Variants in UNC5C observed in about 807,000 individuals in gnomAD.
UNC5C encodes unc-5 netrin receptor C, also known as netrin receptor UNC5C.
Under a neutral mutation model 99.8 loss-of-function variants are expected in UNC5C, and 47 were observed. The ratio of observed to expected loss-of-function variants is 0.47; its 90% CI spans 0.37 to 0.60. UNC5C has a LOEUF of 0.60. Ranked by LOEUF, UNC5C falls within the 20% of genes least tolerant of loss-of-function variation. UNC5C has a pLI of 0.00. For synonymous variants in UNC5C, 487 were observed against 452.2 expected, an observed-to-expected ratio of 1.08 and a Z score of -0.98; for missense variants, 1,062 against 1,165.9, an observed-to-expected ratio of 0.91 and a Z score of 1.30.
At chr4:95,273,972 C>A (rs1179396707) in intron 4 of UNC5C, among the ~76,000 whole-genome samples, 10 of 152,186 alleles carry the variant, frequency 6.6e-5, no homozygotes. Context: ...CTCCATGTCA[C>A]ATCCAGCAGG....
chr4:95,485,926 TAAG>T (rs1237832468), intron 1 of UNC5C, among the ~76,000 whole-genome samples: 3 of 151,642 alleles, frequency 2.0e-5, no homozygotes, highest in African/African-American at 7.3e-5. Context: ...TCTTTTCCAT[TAAG>T]AATTAAGAAC....
At chr4:95,223,472 C>T (rs980128109) in intron 7 of UNC5C, among the ~76,000 whole-genome samples, 2 of 152,130 alleles carry the variant, frequency 1.3e-5, no homozygotes, top group African/African-American at 2.4e-5. Context: ...CGTAGTTTGC[C>T]GAACACTCAG....
intron 1 of UNC5C, among the ~76,000 whole-genome samples, chr4:95,454,720 C>G (rs1341270343): frequency 6.6e-6 from 1 of 152,034 alleles, no homozygotes; most frequent in Non-Finnish European, 1.5e-5. Flanking sequence ...ACTCTTTAAC[C>G]TACCAGGTTC....
At chr4:95,358,330 G>A (rs536957819) in intron 1 of UNC5C, among the ~76,000 whole-genome samples, 1 of 152,148 alleles carries the variant, frequency 6.6e-6, no homozygotes, top group Admixed American at 6.6e-5. Context: ...TGCAAGAAGA[G>A]TGTTAACTCT....
chr4:95,275,245 T>G (rs1348803588), intron 4 of UNC5C, among the ~76,000 whole-genome samples: 2 of 152,130 alleles, frequency 1.3e-5, no homozygotes, highest in African/African-American at 4.8e-5. Context: ...AAGCTTCCCC[T>G]CTGCATACCC....
intron 1 of UNC5C, among the ~76,000 whole-genome samples, chr4:95,481,686 G>A (rs1017926646): frequency 6.6e-6 from 1 of 152,048 alleles, no homozygotes; most frequent in African/African-American, 2.4e-5. Flanking sequence ...ACAGAACAGA[G>A]CCCTCAGAAA....
chr4:95,375,408 A>C (rs1366500704), intron 1 of UNC5C, among the ~76,000 whole-genome samples: 1 of 152,208 alleles, frequency 6.6e-6, no homozygotes, highest in Non-Finnish European at 1.5e-5. Flanking sequence ...GATTATTTTA[A>C]AGGAGACCAT....
chr4:95,290,473 G>A (rs28519988), intron 3 of UNC5C, among the ~76,000 whole-genome samples: 40 of 152,198 alleles, frequency 2.6e-4, no homozygotes, highest in African/African-American at 9.6e-4. Flanking sequence ...GCAACTGTGT[G>A]CAATGAACTG....
chr4:95,507,896 C>T (rs1721968417), intron 1 of UNC5C, among the ~76,000 whole-genome samples: 1 of 152,036 alleles, frequency 6.6e-6, no homozygotes, highest in Non-Finnish European at 1.5e-5. Flanking sequence ...AACTCCACTT[C>T]CCTGGATCAA....
intron 1 of UNC5C, among the ~76,000 whole-genome samples, chr4:95,402,592 AG>A (rs1459626007): frequency 6.6e-6 from 1 of 152,226 alleles, no homozygotes; most frequent in Non-Finnish European, 1.5e-5. Flanking sequence ...TTAGTGTTAC[AG>A]GGTAGTATTT....
chr4:95,178,648 T>C (rs1052940798), intron 14 of UNC5C, among the ~76,000 whole-genome samples: 6 of 152,232 alleles, frequency 3.9e-5, no homozygotes, highest in Non-Finnish European at 8.8e-5. Context: ...ACTAGGGTGT[T>C]GAGCTGCCTT....
intron 1 of UNC5C, among the ~76,000 whole-genome samples, chr4:95,417,349 C>A: frequency 6.6e-6 from 1 of 152,168 alleles, no homozygotes; most frequent in East Asian, 1.9e-4. Flanking sequence ...TATGTCTCCA[C>A]ACGCACAGAG....
chr4:95,505,043 C>T (rs191816712), intron 1 of UNC5C, among the ~76,000 whole-genome samples: 4 of 152,118 alleles, frequency 2.6e-5, no homozygotes, highest in Admixed American at 1.3e-4. Flanking sequence ...AAAATGACAA[C>T]GCTATATATG....
At chr4:95,440,197 A>G (rs531588977) in intron 1 of UNC5C, among the ~76,000 whole-genome samples, 1 of 152,312 alleles carries the variant, frequency 6.6e-6, no homozygotes, top group Non-Finnish European at 1.5e-5. Context: ...AGCCAGAAGT[A>G]CACGTAATGG....
intron 2 of UNC5C, among the ~76,000 whole-genome samples, chr4:95,330,779 G>A (rs1225054060): frequency 2.6e-5 from 4 of 151,880 alleles, no homozygotes; most frequent in Non-Finnish European, 4.4e-5. Context: ...AATTAATAAT[G>A]GTATCTGTGG....
intron 14 of UNC5C, among the ~76,000 whole-genome samples, chr4:95,175,194 T>C (rs1291677811): frequency 4.0e-5 from 6 of 150,320 alleles, no homozygotes; most frequent in African/African-American, 1.5e-4. Flanking sequence ...TGACTCTTTA[T>C]CCAATTTGCC....
At chr4:95,211,059 AGT>A (rs367889318) in intron 10 of UNC5C, among the ~76,000 whole-genome samples, 2 of 152,306 alleles carry the variant, frequency 1.3e-5, no homozygotes, top group African/African-American at 4.8e-5. Context: ...GGTTGCTTAG[AGT>A]GGGTTTAAGT....
At chr4:95,352,057 A>T (rs765635089) in intron 1 of UNC5C, among the ~76,000 whole-genome samples, 4 of 152,072 alleles carry the variant, frequency 2.6e-5, no homozygotes, top group Non-Finnish European at 5.9e-5. Flanking sequence ...TCCCCAAGGC[A>T]TCTCATCCCA....
chr4:95,369,334 T>G (rs1233942148), intron 1 of UNC5C, among the ~76,000 whole-genome samples: 1 of 151,814 alleles, frequency 6.6e-6, no homozygotes, highest in Non-Finnish European at 1.5e-5. Flanking sequence ...GCAGATCACT[T>G]GAGGTCAGGA....
Sources: gnomAD v4.1 joint callset for allele counts (sites outside exome capture counted in the v4.1 genomes callset) on GRCh38, gnomAD v4.1.1 for gene constraint, MANE v1.5 for transcripts, NCBI Gene and HGNC (gene_info 2026-07-23, HGNC 2026-07-21) for gene names.